Variants in GRID1 observed in about 807,000 individuals in gnomAD.
GRID1 encodes the protein glutamate ionotropic receptor delta type subunit 1.
GRID1 carries 28 observed loss-of-function variants against 98.0 expected under a neutral mutation model. The observed-to-expected ratio is 0.29, with a 90% CI of 0.21 to 0.39. The LOEUF (loss-of-function observed/expected upper bound fraction) is 0.39. Ranked by LOEUF, GRID1 falls within the 10% of genes least tolerant of loss-of-function variation. The pLI is 1.00. For missense variants in GRID1, 1,111 were observed against 1,340.5 expected (o/e 0.83, Z 2.67); for synonymous variants, 553 against 538.5 (o/e 1.03, Z -0.37).
intron 4 of GRID1, among the ~76,000 whole-genome samples, chr10:85,922,316 C>T (rs958225489): frequency 5.3e-5 from 8 of 152,200 alleles, no homozygotes; most frequent in African/African-American, 4.8e-5. Context: ...GAGACTGTTT[C>T]TCTTTATCTT....
At chr10:86,071,641 T>A (rs1486188468) in intron 4 of GRID1, among the ~76,000 whole-genome samples, 2 of 152,294 alleles carry the variant, frequency 1.3e-5, no homozygotes, top group South Asian at 2.1e-4. Flanking sequence ...TTACAGATGA[T>A]AACAAATATT....
chr10:85,700,971 T>A (rs949756199), intron 12 of GRID1, among the ~76,000 whole-genome samples: 1 of 152,170 alleles, frequency 6.6e-6, no homozygotes, highest in South Asian at 2.1e-4. Context: ...AAGTTGAAGA[T>A]AACTAAGAAA....
At chr10:85,769,917 C>G (rs551307298) in intron 8 of GRID1, among the ~76,000 whole-genome samples, 1 of 152,214 alleles carries the variant, frequency 6.6e-6, no homozygotes, top group Non-Finnish European at 1.5e-5. Context: ...AACAAAAACA[C>G]GGCAGTAACC....
At chr10:86,213,696 T>C (rs1417684283) in intron 2 of GRID1, among the ~76,000 whole-genome samples, 28 of 152,078 alleles carry the variant, frequency 1.8e-4, no homozygotes, top group Non-Finnish European at 4.0e-4. Flanking sequence ...TTGAGGGCTC[T>C]ACCGTTATTT....
chr10:86,254,486 T>G (rs943881051), intron 2 of GRID1, among the ~76,000 whole-genome samples: 4 of 152,228 alleles, frequency 2.6e-5, no homozygotes, highest in African/African-American at 9.6e-5. Flanking sequence ...TTTGACAAGA[T>G]CCAGGTGACG....
At chr10:85,853,080 C>T (rs1481290395) in intron 8 of GRID1, among the ~76,000 whole-genome samples, 2 of 152,140 alleles carry the variant, frequency 1.3e-5, no homozygotes, top group Non-Finnish European at 2.9e-5. Flanking sequence ...CACATGGACC[C>T]AGGCCATCCC....
Position 85,838,534 on chromosome 10 carries a change from C to T in GRID1, c.1233+15962G>A, listed in dbSNP as rs193110521. Among the ~76,000 whole-genome samples, 268 of 152,212 alleles carry T rather than the reference C, an allele frequency of 1.8e-3. 2 individuals carry two copies. Among genetic ancestry groups the T allele is most frequent in the Middle Eastern group, 0.014 (4 of 294 alleles). Reference sequence around the variant, plus strand: ...ACATTCTTAAAGAAAGAAATTCCAACCCAGAATTTCATATCCAGCCAAACT... The same window carrying T: ...ACATTCTTAAAGAAAGAAATTCCAATCCAGAATTTCATATCCAGCCAAACT... On this transcript the variant is annotated intron_variant, in intron 8 of 15. Coordinates refer to ENST00000327946, the MANE Select transcript of GRID1 (RefSeq NM_017551.3).
chr10:85,963,071 C>T (rs1447753713), intron 4 of GRID1, among the ~76,000 whole-genome samples: 1 of 152,122 alleles, frequency 6.6e-6, no homozygotes. Context: ...GTTGCTGATG[C>T]CTGAACTGGA....
intron 8 of GRID1, among the ~76,000 whole-genome samples, chr10:85,764,257 A>G (rs1842175730): frequency 6.6e-6 from 1 of 152,150 alleles, no homozygotes; most frequent in African/African-American, 2.4e-5. Flanking sequence ...TTCCCTGCAA[A>G]GTGATGGTTC....
chr10:85,957,441 G>C (rs548148820), intron 4 of GRID1, among the ~76,000 whole-genome samples: 1 of 152,118 alleles, frequency 6.6e-6, no homozygotes, highest in Non-Finnish European at 1.5e-5. Flanking sequence ...GTTAGGTCTT[G>C]GTGTTCCCCC....
At chr10:85,791,751 A>C (rs1372104911) in intron 8 of GRID1, among the ~76,000 whole-genome samples, 1 of 152,236 alleles carries the variant, frequency 6.6e-6, no homozygotes, top group Admixed American at 6.5e-5. Context: ...AAAAAGTTAC[A>C]GAGAACATGG....
intron 15 of GRID1, among the ~76,000 whole-genome samples, chr10:85,605,117 CA>C (rs1842642059): frequency 6.6e-6 from 1 of 152,214 alleles, no homozygotes; most frequent in African/African-American, 2.4e-5. Flanking sequence ...TCTGGGCCTC[CA>C]GACAAGCCCT....
At chr10:85,769,503 G>A (rs1416464808) in intron 8 of GRID1, among the ~76,000 whole-genome samples, 7 of 152,186 alleles carry the variant, frequency 4.6e-5, no homozygotes, top group Middle Eastern at 3.2e-3. Flanking sequence ...CACCATGTGC[G>A]AGCCGAAGCA....
At chr10:85,939,812 T>A (rs1423842073) in intron 4 of GRID1, among the ~76,000 whole-genome samples, 1 of 152,118 alleles carries the variant, frequency 6.6e-6, no homozygotes, top group Non-Finnish European at 1.5e-5. Context: ...ATGCCTATAA[T>A]CCCAGCACTT....
intron 12 of GRID1, chr10:85,647,836 C>T (rs559522880): frequency 6.3e-6 from 1 of 158,016 alleles, no homozygotes; most frequent in South Asian, 1.9e-4. Flanking sequence ...GGAAAGAGGC[C>T]TATGTTGGCA....
chr10:86,072,050 T>C (rs1257513005), intron 4 of GRID1, among the ~76,000 whole-genome samples: 6 of 152,016 alleles, frequency 3.9e-5, no homozygotes, highest in Admixed American at 3.9e-4. Flanking sequence ...GAGAGGAAGA[T>C]GGGAGGAACC....
At chr10:85,781,072 A>C (rs936887808) in intron 8 of GRID1, among the ~76,000 whole-genome samples, 1 of 152,174 alleles carries the variant, frequency 6.6e-6, no homozygotes, top group African/African-American at 2.4e-5. Flanking sequence ...TATTACATGA[A>C]GTTTCCTCCA....
intron 2 of GRID1, among the ~76,000 whole-genome samples, chr10:86,261,541 C>A (rs1489369979): frequency 1.3e-5 from 2 of 152,188 alleles, no homozygotes; most frequent in East Asian, 3.9e-4. Context: ...CTCCACTAAC[C>A]GCTAGGACCC....
chr10:85,722,443 C>T (rs1394017070), intron 12 of GRID1, among the ~76,000 whole-genome samples: 1 of 152,084 alleles, frequency 6.6e-6, no homozygotes, highest in Non-Finnish European at 1.5e-5. Flanking sequence ...ACAGTCACTT[C>T]CAAGAGTTAT....
Sources: gnomAD v4.1 joint callset for allele counts (sites outside exome capture counted in the v4.1 genomes callset) on GRCh38, gnomAD v4.1.1 for gene constraint, MANE v1.5 for transcripts, NCBI Gene and HGNC (gene_info 2026-07-23, HGNC 2026-07-21) for gene names.